The following ITSN1 variants were observed in gnomAD, a reference collection of about 807,000 sequenced individuals.
The protein encoded by ITSN1 is intersectin-1.
Under a neutral mutation model 239.8 loss-of-function variants are expected in ITSN1, and 58 were observed. The ratio of observed to expected loss-of-function variants is 0.24; its 90% CI spans 0.20 to 0.30. The LOEUF is 0.30. ITSN1 is among the 10% of genes least tolerant of loss of function. The pLI is 1.00. For synonymous variants in ITSN1, 780 were observed against 770.8 expected, an observed-to-expected ratio of 1.01 and a Z score of -0.20; for missense variants, 1,558 against 2,103.3, an observed-to-expected ratio of 0.74 and a Z score of 5.07.
chr21:33,761,178 C>T (rs977540170), intron 8 of ITSN1, among the ~76,000 whole-genome samples: 4 of 151,892 alleles, frequency 2.6e-5, no homozygotes, highest in African/African-American at 9.7e-5. Flanking sequence ...GGGGCTCAAG[C>T]GATCCTCCTA....
intron 2 of ITSN1, among the ~76,000 whole-genome samples, chr21:33,720,963 C>T (rs1344600429): frequency 6.6e-6 from 1 of 152,164 alleles, no homozygotes; most frequent in Non-Finnish European, 1.5e-5. Flanking sequence ...TTTTCTTTCC[C>T]TCCCATTCTC....
At chr21:33,712,507 G>A (rs1405033106) in intron 1 of ITSN1, among the ~76,000 whole-genome samples, 2 of 152,188 alleles carry the variant, frequency 1.3e-5, no homozygotes, top group African/African-American at 4.8e-5. Flanking sequence ...ACAAGCGGGA[G>A]TTAATTCACA....
intron 17 of ITSN1, among the ~76,000 whole-genome samples, chr21:33,795,589 G>T (rs1181120574): frequency 2.0e-5 from 3 of 152,054 alleles, no homozygotes; most frequent in African/African-American, 7.2e-5. Flanking sequence ...TTCAGTGCCA[G>T]TGGGGAGGTA....
intron 1 of ITSN1, among the ~76,000 whole-genome samples, chr21:33,657,965 G>A (rs899338768): frequency 4.6e-5 from 7 of 152,200 alleles, no homozygotes; most frequent in Admixed American, 3.3e-4. Context: ...CAGCCTGAGC[G>A]ACAGAGCCAG....
intron 1 of ITSN1, among the ~76,000 whole-genome samples, chr21:33,718,097 C>T (rs924926371): frequency 6.6e-6 from 1 of 152,104 alleles, no homozygotes; most frequent in African/African-American, 2.4e-5. Context: ...AATCACGTAC[C>T]CTTTCTGATT....
chr21:33,693,327 T>TTTTTG (rs376620937), intron 1 of ITSN1, among the ~76,000 whole-genome samples: 57 of 151,684 alleles, frequency 3.8e-4, no homozygotes, highest in South Asian at 4.2e-4. Context: ...TTCTTGCTGT[T>TTTTTG]TTTTGTTTTG....
chr21:33,791,071 C>G (rs1917696783), intron 16 of ITSN1, among the ~76,000 whole-genome samples: 1 of 152,166 alleles, frequency 6.6e-6, no homozygotes. Context: ...TTTCTTCATT[C>G]TATAGATTGC....
At chr21:33,862,432 T>G (rs1980792161) in intron 31 of ITSN1, among the ~76,000 whole-genome samples, 1 of 152,016 alleles carries the variant, frequency 6.6e-6, no homozygotes. Flanking sequence ...AAAAATCAGT[T>G]TGGGGTAATG....
At chr21:33,748,637 C>T (rs952361325) in intron 5 of ITSN1, among the ~76,000 whole-genome samples, 1 of 150,718 alleles carries the variant, frequency 6.6e-6, no homozygotes, top group African/African-American at 2.4e-5. Context: ...CCCAGAAGTT[C>T]GAGACGAGCT....
intron 25 of ITSN1, 66 bp downstream of exon 25, chr21:33,823,719 T>C (rs528833819): frequency 1.4e-6 from 2 of 1,469,128 alleles, no homozygotes; most frequent in East Asian, 4.5e-5. Flanking sequence ...GGAGTCACGA[T>C]GTTTGACAGC....
chr21:33,833,632 C>T (rs1026867876), intron 27 of ITSN1, among the ~76,000 whole-genome samples: 3 of 152,150 alleles, frequency 2.0e-5, no homozygotes, highest in Admixed American at 2.0e-4. Context: ...CTTTGGGAGG[C>T]CGAGGGGTGC....
Position 33,896,462 on chromosome 21 carries a change from C to T in ITSN1, c.*8162C>T, listed in dbSNP as rs1030439712. 5 of 152,318 alleles carry T rather than the reference C, an allele frequency of 3.3e-5. No individual in the cohort carries two copies. The highest frequency in any genetic ancestry group is 1.2e-4 in the African/African-American group (5 of 41,464). 9.4% of individuals were successfully genotyped at this position (152,318 alleles called of 1,614,324 possible). A position where few individuals can be genotyped will look rare whatever the true frequency, so the allele number is the denominator to read the frequency against. On this transcript the variant is annotated 3_prime_UTR_variant, in exon 40 of 40. Coordinates refer to ENST00000381318, the MANE Select transcript of ITSN1 (RefSeq NM_003024.3). ...CCCTTCCCCAGTGGCTGGACACTTG[C>T]TCCTCCAGCCTTCACCCCCTGGAGA... is the stretch of plus-strand genomic sequence containing the variant.
At chr21:33,848,593 G>T (rs1238497762) in intron 29 of ITSN1, among the ~76,000 whole-genome samples, 3 of 152,178 alleles carry the variant, frequency 2.0e-5, no homozygotes, top group African/African-American at 7.2e-5. Context: ...TTCCCTGTCT[G>T]TTCAGTGGGG....
chr21:33,823,396 T>A, intron 24 of ITSN1, 91 bp from the exon 25 acceptor site: 1 of 1,154,840 alleles, frequency 8.7e-7, no homozygotes, highest in South Asian at 1.4e-5. Context: ...TTGTCCTAAC[T>A]TCCTTATTCG....
Position 33,656,989 on chromosome 21 carries a change from G to A in ITSN1, c.-33+14276G>A, listed in dbSNP as rs530722443. 9.2e-5 allele frequency among the ~76,000 whole-genome samples: 14 copies of A among 152,286 alleles called. No individual in the cohort carries two copies. In the East Asian group the frequency reaches 2.7e-3, roughly 29 times the overall value. On this transcript the variant is annotated intron_variant, in intron 1 of 39. Coordinates refer to ENST00000381318, the MANE Select transcript of ITSN1 (RefSeq NM_003024.3). ...ACCTGCCTCAGCCTCCCAAAGTGCTGGGATTACAGGCGTGAGCCACCATGT... is the reference window on the plus strand; with the variant it reads ...ACCTGCCTCAGCCTCCCAAAGTGCTAGGATTACAGGCGTGAGCCACCATGT...
intron 1 of ITSN1, among the ~76,000 whole-genome samples, chr21:33,716,919 A>G (rs1482610687): frequency 1.3e-5 from 2 of 151,466 alleles, no homozygotes; most frequent in South Asian, 4.2e-4. Flanking sequence ...CTGGGCAACA[A>G]AGCAAGACTC....
chr21:33,732,464 C>G (rs2066247832), intron 4 of ITSN1, among the ~76,000 whole-genome samples: 2 of 152,142 alleles, frequency 1.3e-5, no homozygotes, highest in South Asian at 4.1e-4. Context: ...ACATTACTTT[C>G]CAGAAATCAC....
chr21:33,773,804 G>A (rs994682990), intron 12 of ITSN1, among the ~76,000 whole-genome samples: 5 of 151,702 alleles, frequency 3.3e-5, no homozygotes, highest in African/African-American at 4.8e-5. Context: ...CTCAGCCTCC[G>A]GAGTAGCTGG....
intron 36 of ITSN1, 113 bp downstream of exon 36, chr21:33,883,784 C>A: frequency 7.7e-7 from 1 of 1,296,422 alleles, no homozygotes; most frequent in Non-Finnish European, 1.1e-6. Context: ...TGCCATCACC[C>A]CTAGCTGGGA....
Sources: allele counts gnomAD v4.1 joint callset (sites outside exome capture counted in the v4.1 genomes callset), GRCh38; gene constraint gnomAD v4.1.1; transcripts MANE v1.5; gene names NCBI Gene and HGNC (gene_info 2026-07-23, HGNC 2026-07-21).